The following ABHD5 variants were observed in gnomAD, a reference collection of about 807,000 sequenced individuals.
ABHD5 encodes the protein 1-acylglycerol-3-phosphate O-acyltransferase ABHD5.
In ABHD5, 30 loss-of-function variants were observed where a neutral mutation model predicts 44.9. The ratio of observed to expected loss-of-function variants is 0.67; its 90% CI spans 0.50 to 0.91. ABHD5 has a LOEUF of 0.91. ABHD5 is among the 40% of genes least tolerant of loss of function. The probability of loss-of-function intolerance (pLI) is 0.00; values close to 1 mark genes in which losing one functional copy is unlikely to be tolerated. For missense variants in ABHD5, 399 were observed against 423.4 expected, an observed-to-expected ratio of 0.94 and a Z score of 0.50; for synonymous variants, 167 against 147.0, an observed-to-expected ratio of 1.14 and a Z score of -0.99.
At chr3:43,707,657 C>G (rs937249641) in intron 3 of ABHD5, 1 of 151,932 alleles carries the variant, frequency 6.6e-6, no homozygotes. Flanking sequence ...GAGACAGTGT[C>G]TTGCTCTGTT....
At position 43,699,350 on chromosome 3, in the gene ABHD5, A is replaced by C; in HGVS notation, c.122A>C (p.Lys41Thr). ...SISHLKEAEE[K>T]MLKCVPCTYK... The stretch of plus-strand genomic sequence containing the variant: ...TCACACCTTAAAGAAGCTGAAGAGA[A>C]GATGTTAAAATGTAAGGCTTTCTTC... The change falls in exon 2 of 7, where the codon AAG (lysine) becomes ACG (threonine). Residue 41 changes from lysine (K) to threonine (T), a missense_variant. By Grantham distance (78) the Lys-to-Thr change is moderately conservative. Transcript: ENST00000644371. 6.2e-7 allele frequency: 1 copy of C among 1,613,258 alleles called. No homozygotes were observed. Among genetic ancestry groups the C allele is most frequent in the Non-Finnish European group, 8.5e-7 (1 of 1,179,228 alleles).
chr3:43,691,238 A>G (rs1411081785), intron 1 of ABHD5, 199 bp downstream of exon 1: 4 of 446,472 alleles, frequency 9.0e-6, no homozygotes, highest in Admixed American at 4.5e-5. Context: ...GGCTCCCCTC[A>G]GCGTCGGGGC....
chr3:43,706,090 A>G (rs905431074), intron 3 of ABHD5, among the ~76,000 whole-genome samples: 4 of 152,198 alleles, frequency 2.6e-5, no homozygotes, highest in African/African-American at 9.6e-5. Flanking sequence ...TGGCATTCCC[A>G]CTAAGCAGAT....
chr3:43,690,926 C>T (rs527265002), upstream of ABHD5: 23 of 1,510,192 alleles, frequency 1.5e-5, no homozygotes, highest in Admixed American at 3.6e-4. Context: ...CCGCGCCAGC[C>T]CGGGGCGGCC....
chr3:43,702,129 A>T, intron 2 of ABHD5, 86 bp from the exon 3 acceptor site: 2 of 1,198,688 alleles, frequency 1.7e-6, no homozygotes, highest in South Asian at 1.5e-5. Context: ...ATACTAGATG[A>T]TTTGTAATTT....
intron 2 of ABHD5, among the ~76,000 whole-genome samples, chr3:43,700,572 A>G (rs956519802): frequency 6.7e-6 from 1 of 149,506 alleles, no homozygotes; most frequent in African/African-American, 2.5e-5. Context: ...GCCATCTTTC[A>G]TGAATTTTTT....
Position 43,715,076 on chromosome 3 carries a change from C to G in ABHD5, c.773+18C>G. 3 of 1,433,112 alleles carry G rather than the reference C, an allele frequency of 2.1e-6. No homozygotes were observed. Among genetic ancestry groups the G allele is most frequent in the South Asian group, 1.2e-5 (1 of 84,712 alleles). The allele number at this position is 1,433,112 out of a possible 1,614,324, so 88.8% of individuals were successfully genotyped here. The stretch of plus-strand genomic sequence containing the variant: ...ACTCCAAGGTGAGGGTTAGGATTCT[C>G]AATTCACTCTGTGTGTGTGTGTGTG... On this transcript the variant is annotated intron_variant, in intron 5 of 6. Coordinates refer to ENST00000644371, the MANE Select transcript of ABHD5 (RefSeq NM_016006.6).
chr3:43,715,192 C>T, intron 5 of ABHD5, 134 bp downstream of exon 5: 1 of 651,816 alleles, frequency 1.5e-6, no homozygotes, highest in South Asian at 1.7e-5. Flanking sequence ...CGGGGTTTCG[C>T]TCTTGTCACC....
chr3:43,712,581 A>G (rs1228262077), intron 4 of ABHD5, among the ~76,000 whole-genome samples: 1 of 152,168 alleles, frequency 6.6e-6, no homozygotes, highest in Non-Finnish European at 1.5e-5. Context: ...AATTTGGAGT[A>G]CTTTTAGTTG....
chr3:43,703,755 A>G (rs2084578398), intron 3 of ABHD5, among the ~76,000 whole-genome samples: 1 of 127,568 alleles, frequency 7.8e-6, no homozygotes, highest in Non-Finnish European at 1.6e-5. Flanking sequence ...ATGTACCTAT[A>G]AGATCTCCCC....
chr3:43,726,185 C>T (rs182658786), downstream of ABHD5, among the ~76,000 whole-genome samples: 9 of 152,054 alleles, frequency 5.9e-5, no homozygotes, highest in East Asian at 1.9e-4. Flanking sequence ...TTTTAACCTG[C>T]GAATGTTTTT....
intron 4 of ABHD5, among the ~76,000 whole-genome samples, chr3:43,712,368 A>G (rs970975796): frequency 6.6e-6 from 1 of 152,136 alleles, no homozygotes; most frequent in Non-Finnish European, 1.5e-5. Context: ...TGGAAAGATA[A>G]AGTTATTTTT....
At position 43,702,570 on chromosome 3, in the gene ABHD5, G is replaced by A. The variant is rs377223020; in HGVS notation, c.489G>A (p.Ser163=). The A allele has an allele frequency of 5.4e-5, 87 of 1,614,070 alleles. No homozygotes were observed. The highest frequency in any genetic ancestry group is 7.0e-5 in the Non-Finnish European group (83 of 1,180,042). Reference sequence around the variant, plus strand: ...GTGGATTCTTGGCTGCTGCTTACTCGCTGAAGTACCCATCAAGGTAAGTGG... The same window carrying A: ...GTGGATTCTTGGCTGCTGCTTACTCACTGAAGTACCCATCAAGGTAAGTGG... ...NLGGFLAAAY[S]LKYPSRVNHL... is the part of the protein sequence containing the mutation. Residue 163 remains serine, a synonymous_variant, in exon 3 of 7, where the codon TCG becomes TCA. Coordinates refer to ENST00000644371, the MANE Select transcript of ABHD5 (RefSeq NM_016006.6).
intron 1 of ABHD5, among the ~76,000 whole-genome samples, chr3:43,692,507 C>T (rs1354502674): frequency 6.6e-6 from 1 of 152,044 alleles, no homozygotes; most frequent in Admixed American, 6.6e-5. Flanking sequence ...GGTTGGAGGT[C>T]ATTGGAGGTA....
chr3:43,702,014 T>A, intron 2 of ABHD5: 1 of 540,550 alleles, frequency 1.8e-6, no homozygotes, highest in Non-Finnish European at 3.2e-6. Context: ...CTGAGGTAGG[T>A]CTTCCCCTTT....
In ABHD5 at chr3:43,720,423, T is replaced by TA. The variant is rs1278595023; in HGVS notation, c.*1892dup. 1 of 152,170 alleles carries TA rather than the reference T, an allele frequency of 6.6e-6. No individual in the cohort carries two copies. Among genetic ancestry groups the TA allele is most frequent in the African/African-American group, 2.4e-5 (1 of 41,428 alleles). The allele number at this position is 152,170 out of a possible 1,614,324, so 9.4% of individuals were successfully genotyped here. ...GATGTGCCAAGTGATTGAAGAAAGATATACCCCAATATCAAGTGATAATTT... is the reference window on the plus strand; with the variant it reads ...GATGTGCCAAGTGATTGAAGAAAGATAATACCCCAATATCAAGTGATAATTT... On this transcript the variant is annotated 3_prime_UTR_variant, in exon 7 of 7. Transcript: ENST00000644371.
intron 4 of ABHD5, among the ~76,000 whole-genome samples, chr3:43,712,218 T>C (rs369414153): frequency 3.7e-4 from 56 of 152,140 alleles, no homozygotes; most frequent in Middle Eastern, 6.3e-3. Context: ...AAGTGTAGCA[T>C]GTTGCCCTGC....
rs750529617 is a variant in ABHD5 at position 43,722,394 on chromosome 3, G to A, written c.*3862G>A. 2 of 152,138 alleles carry A rather than the reference G, an allele frequency of 1.3e-5. No individual in the cohort carries two copies. Among genetic ancestry groups the A allele is most frequent in the Non-Finnish European group, 2.9e-5 (2 of 68,024 alleles). 9.4% of individuals were successfully genotyped at this position (152,138 alleles called of 1,614,324 possible). A position where few individuals can be genotyped will look rare whatever the true frequency, so the allele number is the denominator to read the frequency against. On this transcript the variant is annotated 3_prime_UTR_variant, in exon 7 of 7. Transcript: ENST00000644371. ...AGACAAATGGAAAAAATATGTATTT[G>A]CTTTTTTTGTAAAGCAATAGAAGAA...
chr3:43,713,030 G>A (rs113853781), intron 4 of ABHD5, among the ~76,000 whole-genome samples: 1,565 of 151,960 alleles, frequency 0.01, 16 homozygotes, highest in Middle Eastern at 0.054. Context: ...GAAAAGATGC[G>A]TTCTAACCAG....
Sources: allele counts gnomAD v4.1 joint callset (sites outside exome capture counted in the v4.1 genomes callset), GRCh38; gene constraint gnomAD v4.1.1; transcripts MANE v1.5; gene names NCBI Gene and HGNC (gene_info 2026-07-23, HGNC 2026-07-21).